Variants in SGCZ observed in about 807,000 individuals in gnomAD.
SGCZ encodes sarcoglycan zeta, also known as zeta-sarcoglycan.
In SGCZ, 40 loss-of-function variants were observed where a neutral mutation model predicts 41.3. The ratio of observed to expected loss-of-function variants is 0.97; its 90% CI spans 0.75 to 1.26. The LOEUF is 1.26. Ranked by LOEUF, SGCZ falls within the 50% of genes most tolerant of loss-of-function variation. SGCZ has a pLI of 0.00. For missense variants in SGCZ, 552 were observed against 369.8 expected (o/e 1.49, Z -4.04); for synonymous variants, 206 against 137.5 (o/e 1.50, Z -3.49).
intron 1 of SGCZ, among the ~76,000 whole-genome samples, chr8:15,083,298 G>T (rs112061486): frequency 1.5e-4 from 23 of 152,110 alleles, no homozygotes; most frequent in African/African-American, 5.3e-4. Context: ...TATAATCAAT[G>T]TAGAAATAGC....
At chr8:14,793,769 C>A (rs1474312326) in intron 1 of SGCZ, among the ~76,000 whole-genome samples, 11 of 152,072 alleles carry the variant, frequency 7.2e-5, no homozygotes, top group Non-Finnish European at 1.2e-4. Context: ...CCTGCCCAGG[C>A]CACTGGTTGT....
intron 5 of SGCZ, among the ~76,000 whole-genome samples, chr8:14,115,932 G>C (rs1453109453): frequency 6.6e-6 from 1 of 151,946 alleles, no homozygotes; most frequent in Non-Finnish European, 1.5e-5. Flanking sequence ...ACTCATAAAG[G>C]GAGAAACTGT....
intron 4 of SGCZ, among the ~76,000 whole-genome samples, chr8:14,173,158 C>T (rs916533333): frequency 7.4e-6 from 1 of 134,490 alleles, no homozygotes; most frequent in African/African-American, 2.4e-5. Flanking sequence ...AACTAACTTC[C>T]TGCTTTGAGA....
At chr8:15,051,676 T>A (rs923361010) in intron 1 of SGCZ, among the ~76,000 whole-genome samples, 74 of 152,288 alleles carry the variant, frequency 4.9e-4, no homozygotes, top group African/African-American at 1.6e-3. Flanking sequence ...TACCATTTTT[T>A]AAAAAAATTT....
At chr8:14,319,782 G>C (rs990137638) in intron 3 of SGCZ, among the ~76,000 whole-genome samples, 52 of 151,818 alleles carry the variant, frequency 3.4e-4, no homozygotes, top group African/African-American at 1.2e-3. Context: ...ATGAAGAGAA[G>C]TGAGGACAAA....
intron 2 of SGCZ, among the ~76,000 whole-genome samples, chr8:14,461,330 A>G (rs759166624): frequency 6.6e-6 from 1 of 152,036 alleles, no homozygotes; most frequent in Non-Finnish European, 1.5e-5. Context: ...TCTATACACA[A>G]TGAATATAGC....
chr8:14,188,740 T>C (rs908417580), intron 4 of SGCZ, among the ~76,000 whole-genome samples: 3 of 152,172 alleles, frequency 2.0e-5, no homozygotes, highest in African/African-American at 7.2e-5. Context: ...GCAAGTTTCA[T>C]TGATTCATCC....
At chr8:14,115,545 C>A (rs754320677) in intron 5 of SGCZ, among the ~76,000 whole-genome samples, 1 of 151,924 alleles carries the variant, frequency 6.6e-6, no homozygotes, top group Non-Finnish European at 1.5e-5. Flanking sequence ...AAGCTTTCAA[C>A]GTACTTAATC....
chr8:14,127,671 TG>T (rs1802905297), intron 5 of SGCZ, among the ~76,000 whole-genome samples: 1 of 152,190 alleles, frequency 6.6e-6, no homozygotes, highest in African/African-American at 2.4e-5. Flanking sequence ...TTAGCCAGGA[TG>T]GACTTGATCT....
intron 1 of SGCZ, among the ~76,000 whole-genome samples, chr8:14,676,029 A>C (rs574003418): frequency 2.6e-5 from 4 of 152,286 alleles, no homozygotes; most frequent in African/African-American, 9.6e-5. Flanking sequence ...TATTTGAGAA[A>C]ACTACTGAGA....
At chr8:14,771,255 T>C in intron 1 of SGCZ, among the ~76,000 whole-genome samples, 1 of 152,158 alleles carries the variant, frequency 6.6e-6, no homozygotes, top group East Asian at 1.9e-4. Context: ...TATACCTCTG[T>C]GTGGGGTCAG....
At chr8:14,745,441 A>G (rs1799314377) in intron 1 of SGCZ, among the ~76,000 whole-genome samples, 1 of 152,082 alleles carries the variant, frequency 6.6e-6, no homozygotes, top group Non-Finnish European at 1.5e-5. Flanking sequence ...TTCCTTAGCC[A>G]GGAATGGTGG....
At chr8:14,527,853 T>C (rs921265202) in intron 2 of SGCZ, among the ~76,000 whole-genome samples, 1 of 152,074 alleles carries the variant, frequency 6.6e-6, no homozygotes. Flanking sequence ...GAGGTGATCA[T>C]TGTTGAGTTT....
At position 14,522,463 on chromosome 8, in the gene SGCZ, G is replaced by C. The variant is rs568980813; in HGVS notation, c.234+32269C>G. Among the ~76,000 whole-genome samples, 190 of 152,010 alleles carry C rather than the reference G, an allele frequency of 1.2e-3. 1 individual carries two copies. The highest frequency in any genetic ancestry group is 2.1e-4 in the South Asian group (1 of 4,832). On this transcript the variant is annotated intron_variant, in intron 2 of 7. Coordinates refer to ENST00000382080, the MANE Select transcript of SGCZ (RefSeq NM_139167.4). ...GTTTCAATTTGGGTGAGGTATGATA[G>C]TTTGAGTTTTTAAAATAATTCGTCT...
intron 1 of SGCZ, among the ~76,000 whole-genome samples, chr8:14,847,786 G>T (rs1803184927): frequency 9.5e-6 from 1 of 104,758 alleles, no homozygotes; most frequent in Non-Finnish European, 2.0e-5. Flanking sequence ...CATAGTTAAT[G>T]GTAAAAAAAA....
At chr8:14,602,147 A>T (rs888833397) in intron 1 of SGCZ, among the ~76,000 whole-genome samples, 1 of 152,042 alleles carries the variant, frequency 6.6e-6, no homozygotes, top group Admixed American at 6.6e-5. Flanking sequence ...TAATAAAATA[A>T]AATAAAAAAG....
At chr8:14,640,864 T>C (rs1279461962) in intron 1 of SGCZ, among the ~76,000 whole-genome samples, 2 of 151,658 alleles carry the variant, frequency 1.3e-5, no homozygotes, top group African/African-American at 4.8e-5. Flanking sequence ...TATGAGACAC[T>C]AAACAGCTTC....
At chr8:15,003,716 G>A (rs777113074) in intron 1 of SGCZ, among the ~76,000 whole-genome samples, 2 of 152,024 alleles carry the variant, frequency 1.3e-5, no homozygotes, top group African/African-American at 2.4e-5. Context: ...AATAAATCAG[G>A]ATTTATGACA....
rs561263249 is a variant in SGCZ at position 14,506,180 on chromosome 8, C to A, written c.234+48552G>T. 1.6e-3 allele frequency among the ~76,000 whole-genome samples: 201 copies of A among 126,494 alleles called. 5 individuals are homozygous for A. The South Asian group carries it at 0.027, about 17-fold the overall frequency. 83.0% of individuals were successfully genotyped at this position (126,494 alleles called of 152,430 possible). ...ATGAAACCCTGTGTCTACTAAAAAACAAACAAACAAACAAACAAACAGAAA... is the reference window on the plus strand; with the variant it reads ...ATGAAACCCTGTGTCTACTAAAAAAAAAACAAACAAACAAACAAACAGAAA... On this transcript the variant is annotated intron_variant, in intron 2 of 7. Coordinates refer to ENST00000382080, the MANE Select transcript of SGCZ (RefSeq NM_139167.4).
Sources: gnomAD v4.1 joint callset for allele counts (sites outside exome capture counted in the v4.1 genomes callset) on GRCh38, gnomAD v4.1.1 for gene constraint, MANE v1.5 for transcripts, NCBI Gene and HGNC (gene_info 2026-07-23, HGNC 2026-07-21) for gene names.